The following ZBTB39 variants were observed in gnomAD, a reference collection of about 807,000 sequenced individuals.
The protein encoded by ZBTB39 is zinc finger and BTB domain containing 39.
Under a neutral mutation model 39.4 loss-of-function variants are expected in ZBTB39, and 25 were observed. The ratio of observed to expected loss-of-function variants is 0.63; its 90% CI spans 0.46 to 0.89. The LOEUF is 0.89. Among genes scored for constraint, ZBTB39 ranks in the 40% least tolerant of loss-of-function variants. The pLI is 0.00. For synonymous variants in ZBTB39, 373 were observed against 359.6 expected, an observed-to-expected ratio of 1.04 and a Z score of -0.42; for missense variants, 891 against 909.7, an observed-to-expected ratio of 0.98 and a Z score of 0.26.
In ZBTB39 at chr12:57,000,289, A is replaced by T. The variant is rs1956202528; in HGVS notation, c.*2490T>A. The T allele has an allele frequency of 6.6e-6, 1 of 152,614 alleles. No individual in the cohort carries two copies. Among genetic ancestry groups the T allele is most frequent in the Non-Finnish European group, 1.5e-5 (1 of 68,034 alleles). The allele number at this position is 152,614 out of a possible 1,614,324, so 9.5% of individuals were successfully genotyped here. On this transcript the variant is annotated 3_prime_UTR_variant, in exon 2 of 2. Coordinates refer to ENST00000300101, the MANE Select transcript of ZBTB39 (RefSeq NM_014830.3). ...CTGAGCCACCCTGATCAATCTGATC[A>T]GCCCCCGGGGGATCAGGGGATGCAG...
rs1011807711 is a variant in ZBTB39 at position 57,000,883 on chromosome 12, G to C, written c.*1896C>G. ...CAGGTCCAACAAGGATGGAGCTTTG[G>C]TTTGTCTGACATCTCAATATAAATA... is the stretch of plus-strand genomic sequence containing the variant. On this transcript the variant is annotated 3_prime_UTR_variant, in exon 2 of 2. Transcript: ENST00000300101. The C allele has an allele frequency of 1.3e-5, 2 of 152,280 alleles. No homozygotes were observed. The highest frequency in any genetic ancestry group is 2.9e-5 in the Non-Finnish European group (2 of 68,122). 9.4% of individuals were successfully genotyped at this position (152,280 alleles called of 1,614,324 possible). A position where few individuals can be genotyped will look rare whatever the true frequency, so the allele number is the denominator to read the frequency against.
rs1956222229 is a variant in ZBTB39 at position 57,003,350 on chromosome 12, A to G, written c.1568T>C (p.Leu523Pro). The G allele has an allele frequency of 6.2e-7, 1 of 1,613,890 alleles. No homozygotes were observed. The highest frequency in any genetic ancestry group is 8.5e-7 in the Non-Finnish European group (1 of 1,179,884). The change falls in exon 2 of 2, where the codon CTA (leucine) becomes CCA (proline). Residue 523 changes from leucine (L) to proline (P), a missense_variant. By Grantham distance (98) the Leu-to-Pro change is moderately conservative (BLOSUM62 -3). Transcript: ENST00000300101. The surrounding 1 kb of genome is among the most constrained non-coding windows in gnomAD (Gnocchi z 4.8). ...CANSFVDWHLLEKHMAVHQSL... is the reference protein window; with the variant it reads ...CANSFVDWHLPEKHMAVHQSL... Reference sequence around the variant, plus strand: ...TTGGTGCACAGCCATGTGCTTCTCTAGAAGATGCCAGTCCACAAAGCTGTT... The same window carrying G: ...TTGGTGCACAGCCATGTGCTTCTCTGGAAGATGCCAGTCCACAAAGCTGTT...
In ZBTB39 at chr12:57,003,734, A is replaced by C; in HGVS notation, c.1184T>G (p.Ile395Ser). ...GTCGCAGGAGAAAAGGAAAATACCA[A>C]TGTGGGACAGGACATGAGTTACCCG... ...NSRVTHVLSH[I>S]GIFLFSCDMC... The change falls in exon 2 of 2, where the codon ATT (isoleucine) becomes AGT (serine). Residue 395 changes from isoleucine (I) to serine (S), a missense_variant. By Grantham distance (142) the Ile-to-Ser change is moderately radical (BLOSUM62 -2). Transcript: ENST00000300101. This position sits in a 1 kb window ranked among gnomAD's most constrained non-coding sequence, Gnocchi z 4.8. 1 of 1,614,170 alleles carries C rather than the reference A, an allele frequency of 6.2e-7. No homozygotes were observed. The highest frequency in any genetic ancestry group is 2.2e-5 in the East Asian group (1 of 44,878).
At position 57,002,888 on chromosome 12, in the gene ZBTB39, C is replaced by T; in HGVS notation, c.2030G>A (p.Ser677Asn). Reference protein sequence around the residue: ...GHYSSTLNLMSKHVGVHKGSL... With the variant: ...GHYSSTLNLMNKHVGVHKGSL... Reference sequence around the variant, plus strand: ...GCCTTTGTGCACACCAACATGTTTGCTCATGAGGTTAAGGGTGGAACTGTA... The same window carrying T: ...GCCTTTGTGCACACCAACATGTTTGTTCATGAGGTTAAGGGTGGAACTGTA... The change falls in exon 2 of 2, where the codon AGC becomes AAC. Residue 677 changes from serine to asparagine, a missense_variant. Ser to Asn is a conservative substitution (Grantham distance 46, BLOSUM62 1). Coordinates refer to ENST00000300101, the MANE Select transcript of ZBTB39 (RefSeq NM_014830.3). 6.2e-7 allele frequency: 1 copy of T among 1,614,220 alleles called. No individual in the cohort carries two copies. Among genetic ancestry groups the T allele is most frequent in the Non-Finnish European group, 8.5e-7 (1 of 1,180,044 alleles).
In ZBTB39 at chr12:57,004,969, T is replaced by C. The variant is rs762355821; in HGVS notation, c.-44-8A>G. On this transcript the variant is annotated splice_region_variant and splice_polypyrimidine_tract_variant and intron_variant, in intron 1 of 1. Transcript: ENST00000300101. ...CTTATCAGCACAGTTAATCTGTGGA[T>C]AGCAAGAGAAAAAGATGGATGGCCA... The C allele has an allele frequency of 3.3e-6, 5 of 1,511,450 alleles. No homozygotes were observed. In the South Asian group the frequency reaches 5.3e-5, roughly 16 times the overall value. 93.6% of individuals were successfully genotyped at this position (1,511,450 alleles called of 1,614,324 possible). A position where few individuals can be genotyped will look rare whatever the true frequency, so the allele number is the denominator to read the frequency against.
Position 57,003,430 on chromosome 12 carries a change from C to T in ZBTB39, c.1488G>A (p.Met496Ile). ...TGCCGAGATGGGACAGCGTGTGCCA[C>T]ATGAGGCTGCAGAGGTTAAGGTGAC... The part of the protein sequence containing the change: ...DQRHLNLCSL[M>I]WHTLSHLGIS... Residue 496 changes from methionine (M) to isoleucine (I), a missense_variant, in exon 2 of 2, where the codon ATG (methionine) becomes ATA (isoleucine). Met to Ile is a conservative substitution (Grantham distance 10). Coordinates refer to ENST00000300101, the MANE Select transcript of ZBTB39 (RefSeq NM_014830.3). The surrounding 1 kb of genome is among the most constrained non-coding windows in gnomAD (Gnocchi z 4.8). The T allele has an allele frequency of 6.2e-7, 1 of 1,614,222 alleles. No individual in the cohort carries two copies. Among genetic ancestry groups the T allele is most frequent in the Non-Finnish European group, 8.5e-7 (1 of 1,180,016 alleles).
At chr12:57,005,092 G>GC in intron 1 of ZBTB39, 131 bp from the exon 2 acceptor site, 1 of 625,518 alleles carries the variant, frequency 1.6e-6, no homozygotes, top group South Asian at 2.5e-5. Flanking sequence ...CTGGCATGGA[G>GC]AGTTCCTCCA....
At position 56,998,917 on chromosome 12, in the gene ZBTB39, A is replaced by G. The variant is rs1468306698; in HGVS notation, c.*3862T>C. 1 of 152,672 alleles carries G rather than the reference A, an allele frequency of 6.5e-6. No individual in the cohort carries two copies. Among genetic ancestry groups the G allele is most frequent in the Non-Finnish European group, 1.5e-5 (1 of 68,052 alleles). The allele number at this position is 152,672 out of a possible 1,614,324, so 9.5% of individuals were successfully genotyped here. A position where few individuals can be genotyped will look rare whatever the true frequency, so the allele number is the denominator to read the frequency against. On this transcript the variant is annotated 3_prime_UTR_variant, in exon 2 of 2. Transcript: ENST00000300101. ...ATATAAAAGAATCAGATGTACAATG[A>G]TTTTAGACATCTACTATTTGGGGAA... is the stretch of plus-strand genomic sequence containing the variant.
chr12:57,004,311 G>A lies in ZBTB39; in HGVS notation c.607C>T (p.Pro203Ser). The change falls in exon 2 of 2, where the codon CCC becomes TCC. Residue 203 changes from proline to serine, a missense_variant. Coordinates refer to ENST00000300101, the MANE Select transcript of ZBTB39 (RefSeq NM_014830.3). The part of the protein sequence containing the change: ...ANHSLHLPQP[P>S]PPPPKTEDHD... ...TCTTCTGTCTTTGGCGGTGGTGGGG[G>A]CGGTTGCGGCAGATGCAGGCTATGG... 1 of 1,614,156 alleles carries A rather than the reference G, an allele frequency of 6.2e-7. No individual in the cohort carries two copies.
In ZBTB39 at chr12:57,004,555, G is replaced by T. The variant is rs771771745; in HGVS notation, c.363C>A (p.Thr121=). ...TGGCAGTGCTCTCCAGATCAGGAAA[G>T]GTAGAGTGACAGGCCTGGAGGAGGT... ...MEDLLQACHS[T]FPDLESTARA... The change falls in exon 2 of 2, where the codon ACC becomes ACA. Residue 121 remains threonine (T), a synonymous_variant. Transcript: ENST00000300101. 1 of 1,614,226 alleles carries T rather than the reference G, an allele frequency of 6.2e-7. No homozygotes were observed. The highest frequency in any genetic ancestry group is 1.7e-5 in the Admixed American group (1 of 60,034).
rs1286702217 is a variant in ZBTB39 at position 57,004,773 on chromosome 12, C to T, written c.145G>A (p.Ala49Thr). 1 of 1,614,074 alleles carries T rather than the reference C, an allele frequency of 6.2e-7. No homozygotes were observed. Residue 49 changes from alanine (A) to threonine (T), a missense_variant, in exon 2 of 2, where the codon GCC becomes ACC. Physicochemically the swap from Ala to Thr is moderately conservative, Grantham distance 58. Transcript: ENST00000300101. Reference sequence around the variant, plus strand: ...TTCTGGAAGTAGCCAGCTGCACAGGCCAGCACAGCCTTGTGGGCCGGGAAG... The same window carrying T: ...TTCTGGAAGTAGCCAGCTGCACAGGTCAGCACAGCCTTGTGGGCCGGGAAG... Reference protein sequence around the residue: ...RSFPAHKAVLACAAGYFQNLF... With the variant: ...RSFPAHKAVLTCAAGYFQNLF...
In ZBTB39 at chr12:57,004,146, T is replaced by A; in HGVS notation, c.772A>T (p.Asn258Tyr). 1.2e-6 allele frequency: 2 copies of A among 1,614,122 alleles called. No homozygotes were observed. Among genetic ancestry groups the A allele is most frequent in the Non-Finnish European group, 1.7e-6 (2 of 1,180,028 alleles). ...KVQSNGDFSK[N>Y]SFLTPDNAVD... ...GCATTGTCAGGGGTGAGGAAGCTGT[T>A]TTTACTGAAGTCTCCATTGCTTTGA... Residue 258 changes from asparagine (N) to tyrosine (Y), a missense_variant, in exon 2 of 2, where the codon AAC (asparagine) becomes TAC (tyrosine). Physicochemically the swap from Asn to Tyr is moderately radical, Grantham distance 143. Transcript: ENST00000300101.
rs1956207728 is a variant in ZBTB39 at position 57,001,144 on chromosome 12, T to C, written c.*1635A>G. ...AGGGCTTGACATGTCTTCCCTTAGT[T>C]ATACCCCTGGTTCTCCACATCTCTG... On this transcript the variant is annotated 3_prime_UTR_variant, in exon 2 of 2. Transcript: ENST00000300101. 1 of 152,254 alleles carries C rather than the reference T, an allele frequency of 6.6e-6. No individual in the cohort carries two copies. 9.4% of individuals were successfully genotyped at this position (152,254 alleles called of 1,614,324 possible). A position where few individuals can be genotyped will look rare whatever the true frequency, so the allele number is the denominator to read the frequency against.
Position 57,004,008 on chromosome 12 carries a change from A to G in ZBTB39, c.910T>C (p.Leu304=). 6.2e-7 allele frequency: 1 copy of G among 1,614,240 alleles called. No individual in the cohort carries two copies. Among genetic ancestry groups the G allele is most frequent in the South Asian group, 1.1e-5 (1 of 91,082 alleles). The change falls in exon 2 of 2, where the codon TTG becomes CTG. Residue 304 remains leucine, a synonymous_variant. Transcript: ENST00000300101. The stretch of plus-strand genomic sequence containing the variant: ...TCCTCAGCAGGGTCTTCAAACTGCA[A>G]GTCATCATCCCCCAGGTCCTCGAGC... The part of the protein sequence containing the change: ...LQLEDLGDDD[L]QFEDPAEDIG...
In ZBTB39 at chr12:57,003,679, C is replaced by A. The variant is rs752985346; in HGVS notation, c.1239G>T (p.Trp413Cys). The A allele has an allele frequency of 1.9e-6, 3 of 1,614,144 alleles. No homozygotes were observed. In the East Asian group the frequency reaches 6.7e-5, roughly 36 times the overall value. Residue 413 changes from tryptophan to cysteine, a missense_variant, in exon 2 of 2, where the codon TGG (tryptophan) becomes TGT (cysteine). Trp to Cys is a radical substitution (Grantham distance 215). Coordinates refer to ENST00000300101, the MANE Select transcript of ZBTB39 (RefSeq NM_014830.3). This position sits in a 1 kb window ranked among gnomAD's most constrained non-coding sequence, Gnocchi z 4.8. Reference sequence around the variant, plus strand: ...CATCCCGTCGGTGAAGGGTCAGCTGCCACTGGGTAAAGAACTTAGTTTCAC... The same window carrying A: ...CATCCCGTCGGTGAAGGGTCAGCTGACACTGGGTAAAGAACTTAGTTTCAC... The part of the protein sequence containing the change: ...DMCETKFFTQ[W>C]QLTLHRRDGI...
chr12:57,005,067 G>C (rs1220550159), intron 1 of ZBTB39, 106 bp from the exon 2 acceptor site: 4 of 766,902 alleles, frequency 5.2e-6, no homozygotes, highest in Non-Finnish European at 8.1e-6. Context: ...GCCCCAGGTA[G>C]GGATCAGGAG....
Position 57,004,463 on chromosome 12 carries a change from G to C in ZBTB39, c.455C>G (p.Pro152Arg). 1 of 1,614,194 alleles carries C rather than the reference G, an allele frequency of 6.2e-7. No individual in the cohort carries two copies. The highest frequency in any genetic ancestry group is 1.1e-5 in the South Asian group (1 of 91,084). The change falls in exon 2 of 2, where the codon CCT becomes CGT. Residue 152 changes from proline (P) to arginine (R), a missense_variant. Coordinates refer to ENST00000300101, the MANE Select transcript of ZBTB39 (RefSeq NM_014830.3). ...SGTLSCPSAE[P>R]AHPLGELRGG... ...TCGGAGTTCTCCAAGGGGATGGGCA[G>C]GTTCTGCCGAAGGACAACTCAGGGT...
At position 57,002,662 on chromosome 12, in the gene ZBTB39, G is replaced by T; in HGVS notation, c.*117C>A. 3 of 960,396 alleles carry T rather than the reference G, an allele frequency of 3.1e-6. No homozygotes were observed. Among genetic ancestry groups the T allele is most frequent in the Non-Finnish European group, 4.7e-6 (3 of 638,102 alleles). 59.5% of individuals were successfully genotyped at this position (960,396 alleles called of 1,614,324 possible). On this transcript the variant is annotated 3_prime_UTR_variant, in exon 2 of 2. Transcript: ENST00000300101. ...TCTTTTCTTCTTTAAACACAACACA[G>T]AACAGAATTCCTACCAAGGCAAAAT...
chr12:57,004,501 C>T lies in ZBTB39; in HGVS notation c.417G>A (p.Glu139=). The T allele has an allele frequency of 1.9e-6, 3 of 1,614,184 alleles. No individual in the cohort carries two copies. The highest frequency in any genetic ancestry group is 2.5e-6 in the Non-Finnish European group (3 of 1,180,040). The change falls in exon 2 of 2, where the codon GAG becomes GAA. Residue 139 remains glutamate (E), a synonymous_variant. Coordinates refer to ENST00000300101, the MANE Select transcript of ZBTB39 (RefSeq NM_014830.3). ...GACAACTCAGGGTACCAGAGTGGCT[C>T]TCACTGGTGCTGGTCAGGGGCTTGG... is the stretch of plus-strand genomic sequence containing the variant. ...ARAKPLTSTS[E]SHSGTLSCPS...
Sources: allele counts gnomAD v4.1 joint callset, GRCh38; gene constraint gnomAD v4.1.1; non-coding constraint Gnocchi (gnomAD v3.1); transcripts MANE v1.5; gene names NCBI Gene and HGNC (gene_info 2026-07-23, HGNC 2026-07-21).